PDE9A: variants seen among roughly 807,000 people sequenced by gnomAD.
The protein encoded by PDE9A is high affinity cGMP-specific 3',5'-cyclic phosphodiesterase 9A.
In PDE9A, 60 loss-of-function variants were observed where a neutral mutation model predicts 87.4. The observed-to-expected ratio is 0.69, with a 90% CI of 0.56 to 0.85. The LOEUF is 0.85. Ranked by LOEUF, PDE9A falls within the 40% of genes least tolerant of loss-of-function variation. PDE9A has a pLI of 0.00. For missense variants in PDE9A, 665 were observed against 779.0 expected (o/e 0.85, Z 1.74); for synonymous variants, 272 against 279.4 (o/e 0.97, Z 0.27).
At chr21:42,720,674 G>A (rs962704562) in intron 4 of PDE9A, among the ~76,000 whole-genome samples, 2 of 152,186 alleles carry the variant, frequency 1.3e-5, no homozygotes, top group South Asian at 2.1e-4. Flanking sequence ...TCATGACTTG[G>A]CCTCTCTCAG....
chr21:42,740,846 A>T (rs2146859792), intron 7 of PDE9A, among the ~76,000 whole-genome samples: 1 of 152,292 alleles, frequency 6.6e-6, no homozygotes, highest in Middle Eastern at 3.4e-3. Flanking sequence ...AAAGCCTGGA[A>T]GGACACACAT....
intron 4 of PDE9A, chr21:42,724,753 G>C (rs762148224): frequency 4.7e-6 from 1 of 214,768 alleles, no homozygotes; most frequent in Non-Finnish European, 8.0e-6. Context: ...TGGCCGAGGT[G>C]TGGCTATGAC....
chr21:42,752,030 C>T (rs955463624), intron 9 of PDE9A, among the ~76,000 whole-genome samples: 2 of 147,980 alleles, frequency 1.4e-5, no homozygotes, highest in Non-Finnish European at 3.0e-5. Flanking sequence ...AGCCACCGCA[C>T]CCGGCCCGGC....
At position 42,739,917 on chromosome 21, in the gene PDE9A, G is replaced by A. The variant is rs994603088; in HGVS notation, c.569-3859G>A. On this transcript the variant is annotated intron_variant, in intron 7 of 19. Transcript: ENST00000291539. The surrounding 1 kb of genome is among the most constrained non-coding windows in gnomAD (Gnocchi z 4.1). ...CAGTATGATAAATAGCATTTTCCTC[G>A]GGGGATAAAAAGAAAAACGTGAGCT... Among the ~76,000 whole-genome samples, 4 of 152,002 alleles carry A rather than the reference G, an allele frequency of 2.6e-5. No individual in the cohort carries two copies. The highest frequency in any genetic ancestry group is 1.9e-4 in the East Asian group (1 of 5,188).
At chr21:42,708,882 G>T (rs113342963) in intron 4 of PDE9A, among the ~76,000 whole-genome samples, 1,978 of 152,154 alleles carry the variant, frequency 0.013, 38 homozygotes, top group African/African-American at 0.045. Context: ...TGATAGAAGT[G>T]CATGTGTTAG....
At position 42,707,583 on chromosome 21, in the gene PDE9A, C is replaced by T. The variant is rs1017370484; in HGVS notation, c.262+8572C>T. ...CTTCCATGCCTCAATCCCCCACTCC[C>T]TCCCAGGGCTTCCTGGGCTGGCCTC... On this transcript the variant is annotated intron_variant, in intron 4 of 19. Coordinates refer to ENST00000291539, the MANE Select transcript of PDE9A (RefSeq NM_002606.3). Among the ~76,000 whole-genome samples the T allele has an allele frequency of 2.0e-5, 3 of 152,138 alleles. No homozygotes were observed. In the South Asian group the frequency reaches 6.2e-4, roughly 32 times the overall value.
At chr21:42,654,360 G>C (rs1215422879) in intron 1 of PDE9A, among the ~76,000 whole-genome samples, 1 of 152,092 alleles carries the variant, frequency 6.6e-6, no homozygotes. Context: ...CTGCACCTCC[G>C]GGGCCCCGCG....
intron 13 of PDE9A, among the ~76,000 whole-genome samples, chr21:42,761,263 C>A (rs889158357): frequency 2.6e-5 from 4 of 152,270 alleles, no homozygotes; most frequent in African/African-American, 7.2e-5. Context: ...CCACACCCCC[C>A]TCTCAGGAGC....
intron 15 of PDE9A, among the ~76,000 whole-genome samples, chr21:42,766,842 C>T (rs547655106): frequency 6.6e-6 from 1 of 152,324 alleles, no homozygotes; most frequent in South Asian, 2.1e-4. Context: ...CAGGCCCCGC[C>T]GATGCCTTCC....
intron 1 of PDE9A, among the ~76,000 whole-genome samples, chr21:42,674,268 G>C (rs1261973269): frequency 6.6e-6 from 1 of 151,314 alleles, no homozygotes; most frequent in Non-Finnish European, 1.5e-5. Context: ...GGAGATGCAT[G>C]GATCTGAGGG....
At chr21:42,770,917 A>G in intron 18 of PDE9A, 119 bp downstream of exon 18, 1 of 706,376 alleles carries the variant, frequency 1.4e-6, no homozygotes, top group South Asian at 1.6e-5. Flanking sequence ...CCCCGTGGAC[A>G]GGCACACGTG....
chr21:42,746,108 G>A (rs1450435427), intron 8 of PDE9A, among the ~76,000 whole-genome samples: 2 of 152,196 alleles, frequency 1.3e-5, no homozygotes, highest in Admixed American at 6.5e-5. Flanking sequence ...GACAGCCTCC[G>A]GCCTCACAGG....
In PDE9A at chr21:42,704,754, G is replaced by A. The variant is rs1412883308; in HGVS notation, c.262+5743G>A. Among the ~76,000 whole-genome samples, 4 of 151,984 alleles carry A rather than the reference G, an allele frequency of 2.6e-5. No individual in the cohort carries two copies. The highest frequency in any genetic ancestry group is 2.4e-5 in the African/African-American group (1 of 41,364). On this transcript the variant is annotated intron_variant, in intron 4 of 19. Coordinates refer to ENST00000291539, the MANE Select transcript of PDE9A (RefSeq NM_002606.3). The surrounding 1 kb of genome is among the most constrained non-coding windows in gnomAD (Gnocchi z 5.3). ...TAGACTAGCACAAGGCTCAGGGGGT[G>A]GGGGGTGGGGGCAGGGTGCAGGGAG...
At chr21:42,706,152 A>T (rs2146400016) in intron 4 of PDE9A, among the ~76,000 whole-genome samples, 1 of 152,282 alleles carries the variant, frequency 6.6e-6, no homozygotes, top group South Asian at 2.1e-4. Flanking sequence ...CCCCCACATG[A>T]GAGTTCCCCC....
intron 1 of PDE9A, among the ~76,000 whole-genome samples, chr21:42,670,642 A>C (rs1326913420): frequency 6.7e-6 from 1 of 150,178 alleles, no homozygotes; most frequent in Admixed American, 6.6e-5. Context: ...TACACTTACA[A>C]ACTATCATTC....
At chr21:42,766,379 GA>G (rs34504622) in intron 15 of PDE9A, among the ~76,000 whole-genome samples, 5,427 of 152,246 alleles carry the variant, frequency 0.036, 150 homozygotes, top group Middle Eastern at 0.095. Context: ...CCTTCAGAGA[GA>G]AAGCTGGTTT....
intron 4 of PDE9A, 22 bp from the exon 5 acceptor site, chr21:42,731,748 C>T: frequency 6.2e-7 from 1 of 1,602,100 alleles, no homozygotes; most frequent in Non-Finnish European, 8.5e-7. Flanking sequence ...TTTGGAAACC[C>T]AGTCCTGCCT....
intron 19 of PDE9A, 152 bp from the exon 20 acceptor site, chr21:42,775,128 G>A: frequency 1.6e-6 from 1 of 617,174 alleles, no homozygotes; most frequent in Non-Finnish European, 2.9e-6. Context: ...TTTTAGTAGA[G>A]ACAGGGTTTC....
In PDE9A at chr21:42,695,572, ACT is replaced by A. The variant is rs1356305983; in HGVS notation, c.219-3392_219-3391del. ...TTTCGGCCAAGTTGTGCCGCAGGTG[ACT>A]CTCCACCGGCTGAGCTCTGTGCATG... On this transcript the variant is annotated intron_variant, in intron 3 of 19. Transcript: ENST00000291539. This position sits in a 1 kb window ranked among gnomAD's most constrained non-coding sequence, Gnocchi z 4.3. Among the ~76,000 whole-genome samples, 1 of 151,872 alleles carries A rather than the reference ACT, an allele frequency of 6.6e-6. No individual in the cohort carries two copies. The highest frequency in any genetic ancestry group is 1.9e-4 in the East Asian group (1 of 5,176).
Sources: gnomAD v4.1 joint callset for allele counts (sites outside exome capture counted in the v4.1 genomes callset) on GRCh38, gnomAD v4.1.1 for gene constraint, Gnocchi (gnomAD v3.1) non-coding constraint, MANE v1.5 for transcripts, NCBI Gene and HGNC (gene_info 2026-07-23, HGNC 2026-07-21) for gene names.